TAX1BP1: variants seen among roughly 807,000 people sequenced by gnomAD.
TAX1BP1 encodes Tax1 binding protein 1, also known as tax1-binding protein 1.
In TAX1BP1, 62 loss-of-function variants were observed where a neutral mutation model predicts 97.7. The ratio of observed to expected loss-of-function variants is 0.63; its 90% CI spans 0.52 to 0.78. The LOEUF (loss-of-function observed/expected upper bound fraction) is 0.78. TAX1BP1 is among the 30% of genes least tolerant of loss of function. The pLI is 0.00. For synonymous variants in TAX1BP1, 340 were observed against 304.2 expected (o/e 1.12, Z -1.23); for missense variants, 867 against 916.1 (o/e 0.95, Z 0.69).
At chr7:27,750,694 T>A (rs1787987338) in intron 2 of TAX1BP1, among the ~76,000 whole-genome samples, 1 of 152,210 alleles carries the variant, frequency 6.6e-6, no homozygotes, top group African/African-American at 2.4e-5. Context: ...TTCAGGAAGA[T>A]GAATTATTAC....
At chr7:27,819,069 C>T (rs1336063667) in intron 15 of TAX1BP1, among the ~76,000 whole-genome samples, 1 of 151,960 alleles carries the variant, frequency 6.6e-6, no homozygotes, top group Non-Finnish European at 1.5e-5. Context: ...TGACTTTAAA[C>T]GAAATGATGT....
rs143497095 is a variant in TAX1BP1, at chr7:27,769,706, G to A, written c.484G>A (p.Glu162Lys). 6.8e-6 allele frequency: 11 copies of A among 1,609,602 alleles called. No individual in the cohort carries two copies. Among genetic ancestry groups the A allele is most frequent in the African/African-American group, 1.3e-5 (1 of 74,764 alleles). The change falls in exon 5 of 17, where the codon GAA (glutamate) becomes AAA (lysine). Residue 162 changes from glutamate (E) to lysine (K), a missense_variant. Coordinates refer to ENST00000396319, the MANE Select transcript of TAX1BP1 (RefSeq NM_006024.7). ...AATTGAGAAAACCATGAAAGAAAAA[G>A]AAGAACTGTTAAAGTTAATTGCCGT... ...LKIEKTMKEKEELLKLIAVLE... is the reference protein window; with the variant it reads ...LKIEKTMKEKKELLKLIAVLE...
intron 5 of TAX1BP1, among the ~76,000 whole-genome samples, chr7:27,781,022 A>G (rs1272505568): frequency 2.0e-5 from 3 of 152,114 alleles, no homozygotes; most frequent in Non-Finnish European, 2.9e-5. Flanking sequence ...TTAAAAATGT[A>G]TATGAAACCT....
At chr7:27,748,996 ATATTATTTACCATTTTT>A (rs1264345719) in intron 2 of TAX1BP1, among the ~76,000 whole-genome samples, 1 of 152,062 alleles carries the variant, frequency 6.6e-6, no homozygotes, top group African/African-American at 2.4e-5. Context: ...TTGGGTTCTT[ATATTATTTACCATTTTT>A]TCCAGTCATT....
At chr7:27,803,649 A>G (rs190705989) in intron 13 of TAX1BP1, among the ~76,000 whole-genome samples, 1 of 152,344 alleles carries the variant, frequency 6.6e-6, no homozygotes, top group East Asian at 1.9e-4. Context: ...ATTAGTAGTT[A>G]TTGTATTCAT....
chr7:27,753,136 C>G (rs987666318), intron 2 of TAX1BP1, among the ~76,000 whole-genome samples: 2 of 152,082 alleles, frequency 1.3e-5, no homozygotes, highest in African/African-American at 4.8e-5. Context: ...CCTGTCTCTA[C>G]TAAAAATATA....
chr7:27,795,498 C>T (rs1393396510), intron 11 of TAX1BP1, among the ~76,000 whole-genome samples: 1 of 152,016 alleles, frequency 6.6e-6, no homozygotes, highest in Non-Finnish European at 1.5e-5. Context: ...CCTGTCTATT[C>T]AGTTATATAA....
intron 3 of TAX1BP1, among the ~76,000 whole-genome samples, chr7:27,760,090 G>T (rs1027670673): frequency 2.0e-5 from 3 of 152,002 alleles, no homozygotes; most frequent in Non-Finnish European, 4.4e-5. Flanking sequence ...CTGACCTCAG[G>T]TGATCCACCC....
intron 5 of TAX1BP1, among the ~76,000 whole-genome samples, chr7:27,776,474 C>G (rs970931273): frequency 2.6e-5 from 4 of 152,048 alleles, no homozygotes; most frequent in Non-Finnish European, 5.9e-5. Context: ...TGTGGTTCTT[C>G]TCACGTTTAT....
At chr7:27,821,566 CAG>C (rs1790974452) in intron 15 of TAX1BP1, among the ~76,000 whole-genome samples, 1 of 149,078 alleles carries the variant, frequency 6.7e-6, no homozygotes, top group African/African-American at 2.5e-5. Flanking sequence ...ACCTGAGAGA[CAG>C]AGGTTGGAGT....
intron 15 of TAX1BP1, among the ~76,000 whole-genome samples, chr7:27,824,685 A>G (rs1791106830): frequency 6.6e-6 from 1 of 152,130 alleles, no homozygotes. Context: ...TTCAAATTGA[A>G]TGTCAGTTTA....
At chr7:27,780,576 T>G (rs922523111) in intron 5 of TAX1BP1, among the ~76,000 whole-genome samples, 11 of 152,196 alleles carry the variant, frequency 7.2e-5, no homozygotes, top group Admixed American at 2.0e-4. Flanking sequence ...AGAGGCAGTT[T>G]AAGGCATTTA....
intron 5 of TAX1BP1, among the ~76,000 whole-genome samples, chr7:27,775,983 G>C (rs1322168262): frequency 6.7e-6 from 1 of 150,240 alleles, no homozygotes; most frequent in South Asian, 2.1e-4. Context: ...GTCTCTCTCA[G>C]TCTGTCTGTT....
intron 15 of TAX1BP1, among the ~76,000 whole-genome samples, chr7:27,820,128 C>A (rs939534704): frequency 1.3e-5 from 2 of 152,246 alleles, no homozygotes; most frequent in African/African-American, 2.4e-5. Flanking sequence ...CCCAATCATT[C>A]AAGGCCAGAT....
intron 8 of TAX1BP1, among the ~76,000 whole-genome samples, chr7:27,790,695 T>G (rs908396001): frequency 6.6e-6 from 1 of 152,100 alleles, no homozygotes; most frequent in Admixed American, 6.5e-5. Context: ...CTTGGAAACT[T>G]ATGGAAATAA....
intron 1 of TAX1BP1, among the ~76,000 whole-genome samples, chr7:27,741,397 ATTGT>A (rs1787593822): frequency 6.6e-6 from 1 of 151,978 alleles, no homozygotes; most frequent in African/African-American, 2.4e-5. Context: ...AACTTGAAGG[ATTGT>A]TTGATGATGC....
chr7:27,742,447 G>T (rs1787655745), intron 1 of TAX1BP1, among the ~76,000 whole-genome samples: 1 of 152,168 alleles, frequency 6.6e-6, no homozygotes, highest in South Asian at 2.1e-4. Context: ...CCGTTTAACC[G>T]TGAGTTTGAC....
At position 27,779,756 on chromosome 7, in the gene TAX1BP1, G is replaced by A. The variant is rs367628708; in HGVS notation, c.613-5407G>A. ...ATTGAAGTCTGGGGAGGGGATCGCA[G>A]ATTTGCTTTGCATGATTATTCGGGG... On this transcript the variant is annotated intron_variant, in intron 5 of 16. Coordinates refer to ENST00000396319, the MANE Select transcript of TAX1BP1 (RefSeq NM_006024.7). 9.9e-5 allele frequency among the ~76,000 whole-genome samples: 15 copies of A among 152,280 alleles called. No homozygotes were observed. In the South Asian group the frequency reaches 3.1e-3, roughly 32 times the overall value.
intron 5 of TAX1BP1, among the ~76,000 whole-genome samples, chr7:27,780,926 T>C (rs917399394): frequency 2.0e-5 from 3 of 152,150 alleles, no homozygotes; most frequent in Admixed American, 1.3e-4. Flanking sequence ...GACTACATCA[T>C]TGAGTAGTTC....
Sources: gnomAD v4.1 joint callset for allele counts (sites outside exome capture counted in the v4.1 genomes callset) on GRCh38, gnomAD v4.1.1 for gene constraint, MANE v1.5 for transcripts, NCBI Gene and HGNC (gene_info 2026-07-23, HGNC 2026-07-21) for gene names.